The following CNTNAP2 variants were observed in gnomAD, a reference collection of about 807,000 sequenced individuals.
The protein encoded by CNTNAP2 is contactin associated protein 2.
A neutral mutation model predicts 155.2 loss-of-function variants in CNTNAP2; 98 were observed. The ratio of observed to expected loss-of-function variants is 0.63; its 90% confidence interval spans 0.54 to 0.75. The LOEUF (loss-of-function observed/expected upper bound fraction) is 0.75, where lower values mean the gene tolerates loss of function less well. CNTNAP2 is among the 30% of genes least tolerant of loss of function. The pLI is 0.00. For synonymous variants in CNTNAP2, 651 were observed against 631.2 expected (o/e 1.03, Z -0.47); for missense variants, 1,727 against 1,688.1 (o/e 1.02, Z -0.40).
At chr7:146,248,000 G>A (rs878875655) in intron 1 of CNTNAP2, among the ~76,000 whole-genome samples, 7 of 151,512 alleles carry the variant, frequency 4.6e-5, no homozygotes, top group Admixed American at 1.3e-4. Flanking sequence ...GTTGGGGCAC[G>A]GAAATAAGGG....
intron 4 of CNTNAP2, among the ~76,000 whole-genome samples, chr7:147,062,708 G>A (rs1050663513): frequency 6.6e-5 from 10 of 152,252 alleles, no homozygotes; most frequent in African/African-American, 2.4e-4. Flanking sequence ...TATTATTATT[G>A]CTGCTGTTGT....
At chr7:147,980,973 A>G (rs1307291157) in intron 15 of CNTNAP2, among the ~76,000 whole-genome samples, 1 of 150,940 alleles carries the variant, frequency 6.6e-6, no homozygotes, top group African/African-American at 2.4e-5. Context: ...TCTCACATGG[A>G]CACAGTAGTG....
intron 1 of CNTNAP2, among the ~76,000 whole-genome samples, chr7:146,293,691 A>T (rs2129087017): frequency 6.6e-6 from 1 of 152,074 alleles, no homozygotes; most frequent in Middle Eastern, 3.4e-3. Context: ...CTTTCATTTC[A>T]CGTTGTTCTT....
At chr7:147,024,330 A>G (rs1798863537) in intron 3 of CNTNAP2, among the ~76,000 whole-genome samples, 1 of 152,242 alleles carries the variant, frequency 6.6e-6, no homozygotes, top group African/African-American at 2.4e-5. Context: ...TATAACAAAA[A>G]AAAAGTACAT....
At chr7:146,158,510 A>G (rs931370354) in intron 1 of CNTNAP2, among the ~76,000 whole-genome samples, 2 of 152,170 alleles carry the variant, frequency 1.3e-5, no homozygotes, top group Non-Finnish European at 2.9e-5. Context: ...GATTAAACGA[A>G]TGGCTAACTA....
rs575790906 is a variant in CNTNAP2, at chr7:147,692,766, T to C, written c.2098+53460T>C. Reference sequence around the variant, plus strand: ...ATGACACTCCTCTATCAGATGTCTTTTGCGTACCTTTTCCTCTAGTCTTTG... The same window carrying C: ...ATGACACTCCTCTATCAGATGTCTTCTGCGTACCTTTTCCTCTAGTCTTTG... On this transcript the variant is annotated intron_variant, in intron 13 of 23. Coordinates refer to ENST00000361727, the MANE Select transcript of CNTNAP2 (RefSeq NM_014141.6). Among the ~76,000 whole-genome samples the C allele has an allele frequency of 1.2e-4, 18 of 152,224 alleles. No individual in the cohort carries two copies. The South Asian group carries it at 3.1e-3, about 26-fold the overall frequency.
chr7:146,710,053 T>C (rs1466264455), intron 1 of CNTNAP2, among the ~76,000 whole-genome samples: 1 of 152,122 alleles, frequency 6.6e-6, no homozygotes, highest in Non-Finnish European at 1.5e-5. Context: ...AAAAGGGCTG[T>C]CAGGCCAAGG....
At chr7:147,440,451 T>C (rs899242985) in intron 10 of CNTNAP2, among the ~76,000 whole-genome samples, 62 of 152,278 alleles carry the variant, frequency 4.1e-4, no homozygotes, top group African/African-American at 1.4e-3. Flanking sequence ...GTTGTAGTTA[T>C]TATTTTTGAT....
At chr7:146,295,358 A>C (rs542749149) in intron 1 of CNTNAP2, among the ~76,000 whole-genome samples, 1 of 151,554 alleles carries the variant, frequency 6.6e-6, no homozygotes, top group East Asian at 1.9e-4. Context: ...TTTCCTGCAA[A>C]AGCATGTATT....
intron 14 of CNTNAP2, among the ~76,000 whole-genome samples, chr7:147,974,361 G>C (rs977539896): frequency 2.6e-5 from 4 of 152,138 alleles, no homozygotes; most frequent in African/African-American, 9.7e-5. Flanking sequence ...TGTAATCCCA[G>C]CACTTTGGGA....
At chr7:148,018,824 C>A (rs939759530) in intron 15 of CNTNAP2, among the ~76,000 whole-genome samples, 4 of 152,220 alleles carry the variant, frequency 2.6e-5, no homozygotes, top group Admixed American at 6.5e-5. Flanking sequence ...CTGTGCTTCT[C>A]ACAAGGTTTT....
rs369872780 is a variant in CNTNAP2, at chr7:148,147,574, G to A, written c.2638G>A (p.Asp880Asn). The A allele has an allele frequency of 6.2e-7, 1 of 1,613,994 alleles. No individual in the cohort carries two copies. Among genetic ancestry groups the A allele is most frequent in the Non-Finnish European group, 8.5e-7 (1 of 1,180,052 alleles). ...GAGGTCACCAACCCCTCTCAACGAT[G>A]ACCAGTGGCACCGGGTCACTGCAGA... ...VVRSPTPLND[D>N]QWHRVTAERN... The change falls in exon 17 of 24, where the codon GAC becomes AAC. Residue 880 changes from aspartate to asparagine, a missense_variant. Coordinates refer to ENST00000361727, the MANE Select transcript of CNTNAP2 (RefSeq NM_014141.6).
chr7:147,532,367 T>C (rs1799456339), intron 11 of CNTNAP2, among the ~76,000 whole-genome samples: 1 of 152,198 alleles, frequency 6.6e-6, no homozygotes. Context: ...CCCAATAATT[T>C]CCTCATCTCC....
chr7:147,734,311 A>G (rs1414580605), intron 13 of CNTNAP2, among the ~76,000 whole-genome samples: 1 of 152,126 alleles, frequency 6.6e-6, no homozygotes, highest in Non-Finnish European at 1.5e-5. Context: ...TATATGCTGG[A>G]TTACATTTAT....
chr7:147,696,484 A>G (rs891617338), intron 13 of CNTNAP2, among the ~76,000 whole-genome samples: 2 of 152,166 alleles, frequency 1.3e-5, no homozygotes, highest in South Asian at 2.1e-4. Flanking sequence ...TCCCTCCTCC[A>G]TATACATAGA....
intron 1 of CNTNAP2, among the ~76,000 whole-genome samples, chr7:146,308,726 G>A (rs540903129): frequency 1.3e-5 from 2 of 152,108 alleles, no homozygotes; most frequent in East Asian, 3.9e-4. Context: ...CTATTGCAAG[G>A]ACAGAAAACC....
chr7:147,262,557 C>T (rs1051715603), intron 8 of CNTNAP2, among the ~76,000 whole-genome samples: 1 of 152,186 alleles, frequency 6.6e-6, no homozygotes, highest in African/African-American at 2.4e-5. Flanking sequence ...GTAATCTCAG[C>T]ACTTTGGGAG....
intron 4 of CNTNAP2, among the ~76,000 whole-genome samples, chr7:147,049,866 C>T (rs770444053): frequency 3.3e-5 from 5 of 152,114 alleles, no homozygotes; most frequent in Non-Finnish European, 7.4e-5. Flanking sequence ...TGTGCAGTTC[C>T]TCCATGATCA....
intron 15 of CNTNAP2, among the ~76,000 whole-genome samples, chr7:147,982,608 G>A (rs8180832): frequency 0.43 from 64,787 of 152,108 alleles, 15,535 homozygotes; most frequent in Middle Eastern, 0.65. Flanking sequence ...CAAGATGATG[G>A]TGAATATTTG....
Sources: allele counts gnomAD v4.1 joint callset (sites outside exome capture counted in the v4.1 genomes callset), GRCh38; gene constraint gnomAD v4.1.1; transcripts MANE v1.5; gene names NCBI Gene and HGNC (gene_info 2026-07-23, HGNC 2026-07-21).